RAB3GAP1: variants seen among roughly 807,000 people sequenced by gnomAD.
RAB3GAP1 encodes RAB3 GTPase activating protein catalytic subunit 1.
A neutral mutation model predicts 130.7 loss-of-function variants in RAB3GAP1; 86 were observed. The ratio of observed to expected loss-of-function variants is 0.66; its 90% CI spans 0.55 to 0.79. The LOEUF (loss-of-function observed/expected upper bound fraction) is 0.79, where lower values mean the gene tolerates loss of function less well. Ranked by LOEUF, RAB3GAP1 falls within the 30% of genes least tolerant of loss-of-function variation. The probability of loss-of-function intolerance (pLI) is 0.00; values close to 1 mark genes in which losing one functional copy is unlikely to be tolerated. For missense variants in RAB3GAP1, 1,029 were observed against 1,169.4 expected (o/e 0.88, Z 1.75); for synonymous variants, 367 against 401.7 (o/e 0.91, Z 1.03).
Position 135,169,934 on chromosome 2 carries a change from T to C in RAB3GAP1, c.*1153T>C, listed in dbSNP as rs1692799173. 1 of 316,084 alleles carries C rather than the reference T, an allele frequency of 3.2e-6. No individual in the cohort carries two copies. The highest frequency in any genetic ancestry group is 6.3e-6 in the Non-Finnish European group (1 of 159,814). 19.6% of individuals were successfully genotyped at this position (316,084 alleles called of 1,614,324 possible). On this transcript the variant is annotated 3_prime_UTR_variant, in exon 24 of 24. Transcript: ENST00000264158. ...AAGCATAAACCTTGCCTGTGTAATT[T>C]TAAAAAATTAATAGAGCTGTGCAAA...
At chr2:135,171,690 C>G (rs1291793640), downstream of RAB3GAP1, among the ~76,000 whole-genome samples, 3 of 152,138 alleles carry the variant, frequency 2.0e-5, no homozygotes, top group Non-Finnish European at 4.4e-5. Context: ...AGGTACTGTT[C>G]TAGGCATCAG....
intron 17 of RAB3GAP1, among the ~76,000 whole-genome samples, chr2:135,136,282 C>T (rs1426516292): frequency 6.6e-6 from 1 of 152,024 alleles, no homozygotes; most frequent in South Asian, 2.1e-4. Flanking sequence ...GCCGAGATTG[C>T]ACCACTGCAC....
At chr2:135,075,223 A>G (rs1689598460) in intron 3 of RAB3GAP1, among the ~76,000 whole-genome samples, 1 of 152,190 alleles carries the variant, frequency 6.6e-6, no homozygotes, top group Admixed American at 6.5e-5. Flanking sequence ...TTTCTTTTCT[A>G]CTTTTTGAGT....
chr2:135,053,770 A>C (rs186866617), intron 2 of RAB3GAP1, among the ~76,000 whole-genome samples: 1 of 152,338 alleles, frequency 6.6e-6, no homozygotes, highest in Admixed American at 6.5e-5. Flanking sequence ...AAAAAACAAC[A>C]AACAGCAAAT....
At chr2:135,099,824 C>G (rs1368078515) in intron 5 of RAB3GAP1, among the ~76,000 whole-genome samples, 1 of 152,078 alleles carries the variant, frequency 6.6e-6, no homozygotes, top group African/African-American at 2.4e-5. Flanking sequence ...TCATTCAAAA[C>G]ATTACAACCT....
At chr2:135,157,816 A>G (rs1250574806) in intron 19 of RAB3GAP1, among the ~76,000 whole-genome samples, 2 of 141,520 alleles carry the variant, frequency 1.4e-5, no homozygotes, top group African/African-American at 5.5e-5. Flanking sequence ...TGGGTGACAG[A>G]GTGAGAATCC....
intron 5 of RAB3GAP1, among the ~76,000 whole-genome samples, chr2:135,095,357 C>T (rs1690264091): frequency 6.6e-6 from 1 of 152,190 alleles, no homozygotes; most frequent in Admixed American, 6.5e-5. Context: ...CGCAGGCAGG[C>T]TTTTTTAAGG....
Position 135,135,909 on chromosome 2 carries a change from C to T in RAB3GAP1, c.1900C>T (p.Pro634Ser). The change falls in exon 17 of 24, where the codon CCT becomes TCT. Residue 634 changes from proline to serine, a missense_variant. Around this residue, in one of 3 missense-constraint regions of RAB3GAP1, gnomAD observed 373 missense variants for 493.6 expected, o/e 0.76. Transcript: ENST00000264158. ...GKLTLLHNGE[P>S]LYIPVTQEPA... The stretch of plus-strand genomic sequence containing the variant: ...ACTTACACTGCTGCATAATGGAGAA[C>T]CTCTCTACATTCCAGTAACCCAGGT... 6.2e-7 allele frequency: 1 copy of T among 1,613,966 alleles called. No homozygotes were observed. Among genetic ancestry groups the T allele is most frequent in the South Asian group, 1.1e-5 (1 of 91,074 alleles).
At chr2:135,120,737 A>G (rs560823480) in intron 7 of RAB3GAP1, 82 bp from the exon 8 acceptor site, 17 of 1,017,062 alleles carry the variant, frequency 1.7e-5, no homozygotes, top group Non-Finnish European at 2.4e-5. Flanking sequence ...AATCCATTCC[A>G]TAAGTTTGAA....
chr2:135,130,017 T>A lies in RAB3GAP1; in HGVS notation c.996T>A (p.Phe332Leu), dbSNP rs770375281. ...CLLGDFVTEF[F>L]KICRRKESTD... ...TAGGTGATTTTGTCACTGAATTTTTTAAAATTTGCCGTCGAAAGGAGTCAA... is the reference window on the plus strand; with the variant it reads ...TAGGTGATTTTGTCACTGAATTTTTAAAAATTTGCCGTCGAAAGGAGTCAA... The change falls in exon 12 of 24, where the codon TTT (phenylalanine) becomes TTA (leucine). Residue 332 changes from phenylalanine (F) to leucine (L), a missense_variant. By Grantham distance (22) the Phe-to-Leu change is conservative. Coordinates refer to ENST00000264158, the MANE Select transcript of RAB3GAP1 (RefSeq NM_012233.3). The A allele has an allele frequency of 1.3e-5, 21 of 1,612,882 alleles. No homozygotes were observed. Among genetic ancestry groups the A allele is most frequent in the Non-Finnish European group, 1.6e-5 (19 of 1,179,440 alleles).
intron 3 of RAB3GAP1, among the ~76,000 whole-genome samples, chr2:135,081,639 C>G (rs1217844327): frequency 6.6e-6 from 1 of 151,710 alleles, no homozygotes; most frequent in East Asian, 1.9e-4. Context: ...TTTAGGAAAG[C>G]TGCTTGAAAA....
At chr2:135,105,247 C>A (rs1574112055) in intron 5 of RAB3GAP1, among the ~76,000 whole-genome samples, 1 of 132,714 alleles carries the variant, frequency 7.5e-6, no homozygotes, top group East Asian at 2.6e-4. Flanking sequence ...CCCCTTCCCC[C>A]TCCCCCTCTC....
At chr2:135,093,493 T>A (rs529371460) in intron 4 of RAB3GAP1, 122 bp from the exon 5 acceptor site, 1 of 735,250 alleles carries the variant, frequency 1.4e-6, no homozygotes, top group African/African-American at 1.7e-5. Flanking sequence ...TCTTTAGATA[T>A]GAATCTTAAA....
intron 18 of RAB3GAP1, among the ~76,000 whole-genome samples, chr2:135,151,036 G>A (rs1558800715): frequency 6.6e-6 from 1 of 152,194 alleles, no homozygotes; most frequent in Admixed American, 6.5e-5. Context: ...TCTCAGAAGA[G>A]TCACTATTTC....
chr2:135,175,876 G>A (rs992883180), intron 24 of RAB3GAP1, among the ~76,000 whole-genome samples: 2 of 152,212 alleles, frequency 1.3e-5, no homozygotes, highest in African/African-American at 4.8e-5. Context: ...AAGGTTTCCA[G>A]AGAGAAAATC....
At chr2:135,165,272 A>G in intron 23 of RAB3GAP1, 1 of 401,540 alleles carries the variant, frequency 2.5e-6, no homozygotes, top group South Asian at 1.8e-5. Context: ...GAAAGTAAAG[A>G]TTTTAAAATT....
chr2:135,124,892 A>G (rs1158398919), intron 9 of RAB3GAP1, among the ~76,000 whole-genome samples: 1 of 152,142 alleles, frequency 6.6e-6, no homozygotes, highest in Non-Finnish European at 1.5e-5. Context: ...AAAACCTAAA[A>G]TATTTACTCT....
chr2:135,172,379 G>A (rs1377691983), downstream of RAB3GAP1, among the ~76,000 whole-genome samples: 1 of 151,438 alleles, frequency 6.6e-6, no homozygotes, highest in Admixed American at 6.6e-5. Flanking sequence ...AGGTTGCAGT[G>A]AGCCAAGATC....
chr2:135,141,485 A>T (rs1307651341), intron 17 of RAB3GAP1, among the ~76,000 whole-genome samples: 1 of 151,992 alleles, frequency 6.6e-6, no homozygotes, highest in Non-Finnish European at 1.5e-5. Flanking sequence ...GGGCCTCCCA[A>T]AGTGCTGGGA....
Sources: allele counts gnomAD v4.1 joint callset (sites outside exome capture counted in the v4.1 genomes callset), GRCh38; gene constraint gnomAD v4.1.1; regional missense constraint gnomAD v4.1.1; transcripts MANE v1.5; gene names NCBI Gene and HGNC (gene_info 2026-07-23, HGNC 2026-07-21).